Variants in AGK observed in about 807,000 individuals in gnomAD.
The protein encoded by AGK is acylglycerol kinase, also known as acylglycerol kinase, mitochondrial.
Under a neutral mutation model 66.4 loss-of-function variants are expected in AGK, and 52 were observed. That is an observed-to-expected ratio of 0.78 (90% confidence interval 0.63 to 0.99). AGK has a LOEUF of 0.99. AGK is among the 50% of genes least tolerant of loss of function. The pLI is 0.00. For synonymous variants in AGK, 182 were observed against 181.1 expected (o/e 1.00, Z -0.04); for missense variants, 451 against 506.6 (o/e 0.89, Z 1.05).
chr7:141,642,920 T>C (rs1797322280), intron 13 of AGK, among the ~76,000 whole-genome samples: 1 of 152,190 alleles, frequency 6.6e-6, no homozygotes, highest in African/African-American at 2.4e-5. Flanking sequence ...GACCCTAGTA[T>C]AGAGAAAACC....
chr7:141,562,076 A>G, intron 2 of AGK: 1 of 456,280 alleles, frequency 2.2e-6, no homozygotes, highest in Non-Finnish European at 4.4e-6. Flanking sequence ...CAGGGGAATG[A>G]TGTAGACTCT....
intron 14 of AGK, 113 bp from the exon 15 acceptor site, chr7:141,651,412 C>T: frequency 2.5e-6 from 2 of 806,296 alleles, no homozygotes; most frequent in Non-Finnish European, 4.3e-6. Flanking sequence ...GCTTAATAGA[C>T]CATCTGTCCA....
chr7:141,643,159 A>T (rs1457527490), intron 13 of AGK, among the ~76,000 whole-genome samples: 1 of 152,234 alleles, frequency 6.6e-6, no homozygotes, highest in East Asian at 1.9e-4. Context: ...AACTATGAAA[A>T]TAATACATGT....
intron 11 of AGK, 101 bp from the exon 12 acceptor site, chr7:141,641,147 C>G: frequency 2.8e-6 from 3 of 1,081,490 alleles, no homozygotes; most frequent in Non-Finnish European, 2.6e-6. Flanking sequence ...AGTTCACTTT[C>G]TAGCAGGTAT....
chr7:141,558,348 T>G (rs71552631), intron 2 of AGK, among the ~76,000 whole-genome samples: 2,529 of 120,220 alleles, frequency 0.021, 37 homozygotes, highest in South Asian at 0.083. Flanking sequence ...GTAGAGATGG[T>G]TTTTTTTTTT....
chr7:141,609,975 T>G (rs1333402086), intron 5 of AGK, among the ~76,000 whole-genome samples: 4 of 151,362 alleles, frequency 2.6e-5, no homozygotes, highest in Non-Finnish European at 5.9e-5. Context: ...TTTTTTGTTT[T>G]TTTTTTTTCC....
At chr7:141,599,648 A>G (rs1476047999) in intron 4 of AGK, among the ~76,000 whole-genome samples, 2 of 152,164 alleles carry the variant, frequency 1.3e-5, no homozygotes, top group Non-Finnish European at 2.9e-5. Context: ...GATCTGATCC[A>G]CTTCCAACTG....
intron 9 of AGK, among the ~76,000 whole-genome samples, chr7:141,629,826 C>T (rs370396314): frequency 1.3e-5 from 2 of 152,132 alleles, no homozygotes; most frequent in East Asian, 3.9e-4. Flanking sequence ...GAGGATCAGT[C>T]GGCAACCCTC....
intron 6 of AGK, 39 bp downstream of exon 6, chr7:141,611,326 A>G: frequency 6.8e-7 from 1 of 1,462,990 alleles, no homozygotes; most frequent in Non-Finnish European, 9.4e-7. Flanking sequence ...TTTGAAGGTG[A>G]GAAAAATGGA....
At chr7:141,650,881 T>TA (rs1797539955) in intron 14 of AGK, among the ~76,000 whole-genome samples, 2 of 152,192 alleles carry the variant, frequency 1.3e-5, no homozygotes, top group Admixed American at 6.5e-5. Flanking sequence ...CTATGCACAC[T>TA]AAATCATCTC....
intron 13 of AGK, among the ~76,000 whole-genome samples, chr7:141,646,704 C>T (rs918481699): frequency 7.2e-5 from 11 of 152,086 alleles, no homozygotes; most frequent in Non-Finnish European, 1.6e-4. Context: ...TTCCCCGTTA[C>T]GTGTGGAAAT....
chr7:141,594,133 T>C (rs1246373741), intron 3 of AGK: 1 of 152,246 alleles, frequency 6.6e-6, no homozygotes, highest in East Asian at 1.9e-4. Flanking sequence ...AAATGTATTA[T>C]CTTTCATATG....
intron 5 of AGK, among the ~76,000 whole-genome samples, chr7:141,608,491 G>A (rs1011357009): frequency 1.3e-5 from 2 of 152,140 alleles, no homozygotes; most frequent in Admixed American, 1.3e-4. Flanking sequence ...AGTGAAATGA[G>A]CAAAGGGTGA....
intron 13 of AGK, among the ~76,000 whole-genome samples, chr7:141,644,423 AAAAGC>A (rs1442241063): frequency 6.6e-6 from 1 of 152,238 alleles, no homozygotes; most frequent in Non-Finnish European, 1.5e-5. Flanking sequence ...TTATAAAAAT[AAAAGC>A]AAATGCAATA....
Position 141,651,593 on chromosome 7 carries a change from C to G in AGK, c.1115C>G (p.Thr372Ser), listed in dbSNP as rs1408320169. The part of the protein sequence containing the change: ...GTECLQASQC[T>S]LLIPEGAGGS... ...GAGTGTCTCCAAGCCAGCCAGTGCA[C>G]TTTGCTTATCCCGGAGGTGAGTGGG... Residue 372 changes from threonine to serine, a missense_variant, in exon 15 of 16, where the codon ACT (threonine) becomes AGT (serine). Coordinates refer to ENST00000649286, the MANE Select transcript of AGK (RefSeq NM_018238.4). 1 of 1,614,234 alleles carries G rather than the reference C, an allele frequency of 6.2e-7. No individual in the cohort carries two copies. Among genetic ancestry groups the G allele is most frequent in the African/African-American group, 1.3e-5 (1 of 75,058 alleles).
At chr7:141,579,961 C>T (rs1209034146) in intron 2 of AGK, among the ~76,000 whole-genome samples, 1 of 151,926 alleles carries the variant, frequency 6.6e-6, no homozygotes, top group Non-Finnish European at 1.5e-5. Flanking sequence ...GCTTTTTTAG[C>T]TACCTTATCA....
chr7:141,567,299 G>A (rs913539327), intron 2 of AGK, among the ~76,000 whole-genome samples: 1 of 151,882 alleles, frequency 6.6e-6, no homozygotes, highest in East Asian at 1.9e-4. Context: ...AATATTTTTT[G>A]GTAACAGATT....
intron 3 of AGK, chr7:141,593,674 T>C (rs1796169741): frequency 3.1e-6 from 1 of 322,232 alleles, no homozygotes; most frequent in Non-Finnish European, 5.6e-6. Context: ...TACTTAAATA[T>C]TCATTTATAT....
Position 141,654,770 on chromosome 7 carries a change from A to AAGAT in AGK, c.*1848_*1851dup, listed in dbSNP as rs766032738. On this transcript the variant is annotated 3_prime_UTR_variant, in exon 16 of 16. Coordinates refer to ENST00000649286, the MANE Select transcript of AGK (RefSeq NM_018238.4). Reference sequence around the variant, plus strand: ...GCTCTCTCTCAGGCAGATCCCTTTTAAGATACATACACCATGCCCACACAT... The same window carrying AAGAT: ...GCTCTCTCTCAGGCAGATCCCTTTTAAGATAGATACATACACCATGCCCACACAT... The AAGAT allele has an allele frequency of 5.9e-5, 9 of 152,244 alleles. No individual in the cohort carries two copies. The highest frequency in any genetic ancestry group is 2.1e-4 in the South Asian group (1 of 4,828). 9.4% of individuals were successfully genotyped at this position (152,244 alleles called of 1,614,324 possible).
Sources: gnomAD v4.1 joint callset for allele counts (sites outside exome capture counted in the v4.1 genomes callset) on GRCh38, gnomAD v4.1.1 for gene constraint, MANE v1.5 for transcripts, NCBI Gene and HGNC (gene_info 2026-07-23, HGNC 2026-07-21) for gene names.